MAGI2: variants seen among roughly 807,000 people sequenced by gnomAD.
MAGI2 encodes the protein membrane-associated guanylate kinase, WW and PDZ domain-containing protein 2.
Under a neutral mutation model 133.3 loss-of-function variants are expected in MAGI2, and 35 were observed. That is an observed-to-expected ratio of 0.26 (90% CI 0.20 to 0.35). The LOEUF (loss-of-function observed/expected upper bound fraction) is 0.35, where lower values mean the gene tolerates loss of function less well. Among genes scored for constraint, MAGI2 ranks in the 10% least tolerant of loss-of-function variants. The pLI, the probability that MAGI2 is intolerant of heterozygous loss-of-function variation, is 1.00. For missense variants in MAGI2, 1,636 were observed against 1,863.4 expected, an observed-to-expected ratio of 0.88 and a Z score of 2.25; for synonymous variants, 729 against 710.6, an observed-to-expected ratio of 1.03 and a Z score of -0.41.
At chr7:78,290,482 C>T (rs975462870) in intron 9 of MAGI2, among the ~76,000 whole-genome samples, 4 of 152,066 alleles carry the variant, frequency 2.6e-5, no homozygotes, top group East Asian at 1.9e-4. Flanking sequence ...ACTTAGACTC[C>T]CACACAATAA....
At chr7:79,331,272 T>C (rs931013109) in intron 1 of MAGI2, among the ~76,000 whole-genome samples, 12 of 152,180 alleles carry the variant, frequency 7.9e-5, no homozygotes, top group African/African-American at 2.9e-4. Flanking sequence ...GTCCATAATA[T>C]GCAAAGTTTC....
intron 1 of MAGI2, 117 bp from the exon 2 acceptor site, chr7:79,007,323 T>C: frequency 1.6e-6 from 1 of 609,126 alleles, no homozygotes; most frequent in South Asian, 2.1e-5. Flanking sequence ...TTTCAAAGTG[T>C]TCTTTTGATC....
At chr7:78,754,782 T>G (rs1201714542) in intron 2 of MAGI2, among the ~76,000 whole-genome samples, 1 of 152,226 alleles carries the variant, frequency 6.6e-6, no homozygotes, top group Non-Finnish European at 1.5e-5. Context: ...GCTTTCAAAC[T>G]AACCACTTCT....
rs528669048 is a variant in MAGI2, at chr7:78,165,757, C to A, written c.2596+2159G>T. ...TTTGCTTAGGAAAGCATAATAATAA[C>A]AAAACGACAATGACAGCAACAGTCC... is the stretch of plus-strand genomic sequence containing the variant. On this transcript the variant is annotated intron_variant, in intron 15 of 21. Coordinates refer to ENST00000354212, the MANE Select transcript of MAGI2 (RefSeq NM_012301.4). Among the ~76,000 whole-genome samples, 4 of 152,270 alleles carry A rather than the reference C, an allele frequency of 2.6e-5. No individual in the cohort carries two copies. The East Asian group carries it at 7.7e-4, about 29-fold the overall frequency.
At chr7:78,309,945 G>A (rs1364894402) in intron 9 of MAGI2, among the ~76,000 whole-genome samples, 4 of 152,028 alleles carry the variant, frequency 2.6e-5, no homozygotes, top group African/African-American at 9.7e-5. Context: ...GAGAACAAAT[G>A]TTAGTTATCA....
At chr7:78,187,102 G>C (rs2150712337) in intron 12 of MAGI2, among the ~76,000 whole-genome samples, 1 of 152,194 alleles carries the variant, frequency 6.6e-6, no homozygotes, top group East Asian at 1.9e-4. Flanking sequence ...ATATTGTTTT[G>C]CTTTAGAATC....
intron 1 of MAGI2, among the ~76,000 whole-genome samples, chr7:79,280,666 T>A (rs1312786731): frequency 6.6e-6 from 1 of 152,014 alleles, no homozygotes; most frequent in Non-Finnish European, 1.5e-5. Flanking sequence ...CCATGACTTA[T>A]GCCTGTAACC....
intron 4 of MAGI2, among the ~76,000 whole-genome samples, chr7:78,503,560 C>CCTCCCCCTCCT (rs1794810904): frequency 1.0e-3 from 40 of 39,498 alleles, no homozygotes; most frequent in East Asian, 2.4e-3. Flanking sequence ...CTCCATCTCC[C>CCTCCCCCTCCT]CCTCCCCCTC....
At chr7:78,570,235 A>G (rs1801368385) in intron 3 of MAGI2, among the ~76,000 whole-genome samples, 1 of 152,206 alleles carries the variant, frequency 6.6e-6, no homozygotes, top group Non-Finnish European at 1.5e-5. Context: ...TCTACAGTTT[A>G]TCTTTTGGTA....
intron 3 of MAGI2, among the ~76,000 whole-genome samples, chr7:78,529,886 C>G (rs145447749): frequency 3.3e-5 from 5 of 151,230 alleles, no homozygotes; most frequent in African/African-American, 1.2e-4. Context: ...TAATATTTTT[C>G]TTTACCAATA....
chr7:79,220,685 C>A (rs1298587020), intron 1 of MAGI2, among the ~76,000 whole-genome samples: 1 of 152,084 alleles, frequency 6.6e-6, no homozygotes, highest in African/African-American at 2.4e-5. Context: ...ACCACTTCTA[C>A]CGTGCTGCCT....
intron 1 of MAGI2, among the ~76,000 whole-genome samples, chr7:79,211,715 C>T (rs1829511853): frequency 6.6e-6 from 1 of 151,748 alleles, no homozygotes; most frequent in South Asian, 2.1e-4. Context: ...TTTAAAATAA[C>T]AACAACAACA....
chr7:79,196,479 C>T (rs1051302258), intron 1 of MAGI2, among the ~76,000 whole-genome samples: 1 of 151,900 alleles, frequency 6.6e-6, no homozygotes, highest in East Asian at 1.9e-4. Context: ...TTTTTAGGCA[C>T]TATCTAATGA....
chr7:78,629,723 GTCTCTC>G (rs10564269), intron 2 of MAGI2, among the ~76,000 whole-genome samples: 1 of 151,756 alleles, frequency 6.6e-6, no homozygotes, highest in African/African-American at 2.4e-5. Context: ...GTGTCTTCTT[GTCTCTC>G]TCTCTTATAT....
chr7:79,255,358 T>C (rs934403882), intron 1 of MAGI2, among the ~76,000 whole-genome samples: 19 of 152,192 alleles, frequency 1.2e-4, no homozygotes, highest in Admixed American at 1.0e-3. Context: ...GAGGTGGTCA[T>C]TGGCATGTTC....
intron 1 of MAGI2, among the ~76,000 whole-genome samples, chr7:79,303,698 A>G (rs1164647362): frequency 6.6e-6 from 1 of 152,188 alleles, no homozygotes; most frequent in Admixed American, 6.5e-5. Flanking sequence ...TTACCATATC[A>G]CTTAATCTTT....
At chr7:79,420,526 A>G (rs1846881668) in intron 1 of MAGI2, among the ~76,000 whole-genome samples, 1 of 152,020 alleles carries the variant, frequency 6.6e-6, no homozygotes, top group Non-Finnish European at 1.5e-5. Context: ...GATCAATGTG[A>G]AAGTTAAAAA....
intron 1 of MAGI2, among the ~76,000 whole-genome samples, chr7:79,331,267 T>C (rs918216925): frequency 6.6e-6 from 1 of 152,170 alleles, no homozygotes; most frequent in East Asian, 1.9e-4. Flanking sequence ...AATGAGTCCA[T>C]AATATGCAAA....
intron 9 of MAGI2, among the ~76,000 whole-genome samples, chr7:78,270,698 T>A (rs2150984753): frequency 1.3e-5 from 2 of 152,044 alleles, no homozygotes; most frequent in African/African-American, 2.4e-5. Flanking sequence ...ATGGGAGACG[T>A]TAACACCCCA....
Sources: gnomAD v4.1 joint callset for allele counts (sites outside exome capture counted in the v4.1 genomes callset) on GRCh38, gnomAD v4.1.1 for gene constraint, MANE v1.5 for transcripts, NCBI Gene and HGNC (gene_info 2026-07-23, HGNC 2026-07-21) for gene names.